Variants in NAV3 observed in about 807,000 individuals in gnomAD.
NAV3 encodes the protein neuron navigator 3, also known as pore membrane and/or filament interacting like protein 1.
A neutral mutation model predicts 244.7 loss-of-function variants in NAV3; 87 were observed. The observed-to-expected ratio is 0.36, with a 90% CI of 0.30 to 0.42. The LOEUF (loss-of-function observed/expected upper bound fraction) is 0.42, where lower values mean the gene tolerates loss of function less well. NAV3 is among the 20% of genes least tolerant of loss of function. The pLI, the probability that NAV3 is intolerant of heterozygous loss-of-function variation, is 1.00. For synonymous variants in NAV3, 1,126 were observed against 1,042.2 expected (o/e 1.08, Z -1.55); for missense variants, 2,663 against 2,893.3 (o/e 0.92, Z 1.83).
intron 1 of NAV3, among the ~76,000 whole-genome samples, chr12:77,893,046 T>C (rs544639757): frequency 1.8e-4 from 28 of 152,298 alleles, no homozygotes; most frequent in African/African-American, 6.3e-4. Context: ...GTTAGGTTTC[T>C]GAAGAACATG....
chr12:77,751,230 T>G (rs2135800119), intron 2 of NAV3, among the ~76,000 whole-genome samples: 1 of 152,328 alleles, frequency 6.6e-6, no homozygotes, highest in South Asian at 2.1e-4. Flanking sequence ...TCTTATGAGC[T>G]TTTCTACTTC....
At chr12:77,630,894 G>C (rs1205349704) in intron 2 of NAV3, among the ~76,000 whole-genome samples, 2 of 152,116 alleles carry the variant, frequency 1.3e-5, no homozygotes, top group Non-Finnish European at 2.9e-5. Context: ...AAAAACTATA[G>C]AGTACAAGAG....
Position 77,886,276 on chromosome 12 carries a change from G to C in NAV3, c.244-54043G>C, listed in dbSNP as rs545041705. ...TTCTCCGCTCTAGTAACATTCAAGG[G>C]CTTCTCTTTATACAGCCTGCTGTTT... On this transcript the variant is annotated intron_variant, in intron 1 of 39. Coordinates refer to ENST00000397909, the MANE Select transcript of NAV3 (RefSeq NM_001024383.2). Among the ~76,000 whole-genome samples the C allele has an allele frequency of 5.9e-4, 90 of 152,178 alleles. No homozygotes were observed. The Middle Eastern group carries it at 0.01, about 17-fold the overall frequency.
intron 2 of NAV3, among the ~76,000 whole-genome samples, chr12:77,593,554 A>G (rs1013624982): frequency 1.3e-5 from 2 of 148,908 alleles, no homozygotes; most frequent in African/African-American, 4.9e-5. Flanking sequence ...GGTTCAAGCG[A>G]TTCTCCTGCC....
At chr12:77,848,894 A>G (rs990015480) in intron 1 of NAV3, among the ~76,000 whole-genome samples, 2 of 152,214 alleles carry the variant, frequency 1.3e-5, no homozygotes, top group African/African-American at 4.8e-5. Context: ...AATATTTTCA[A>G]TATGATTCCA....
intron 30 of NAV3, among the ~76,000 whole-genome samples, chr12:78,184,510 T>G (rs1273078461): frequency 6.6e-6 from 1 of 151,858 alleles, no homozygotes; most frequent in East Asian, 1.9e-4. Context: ...AAAAATTTAT[T>G]GCAAAGCTCT....
At chr12:77,644,902 A>G (rs1456601010) in intron 2 of NAV3, among the ~76,000 whole-genome samples, 3 of 152,186 alleles carry the variant, frequency 2.0e-5, no homozygotes, top group African/African-American at 7.2e-5. Context: ...GCATACCTGA[A>G]TAAATGACTA....
At chr12:77,873,126 T>C (rs1414234074) in intron 1 of NAV3, among the ~76,000 whole-genome samples, 2 of 152,212 alleles carry the variant, frequency 1.3e-5, no homozygotes, top group Admixed American at 6.5e-5. Flanking sequence ...TTTATATTTA[T>C]ACACTTTATT....
At chr12:77,876,851 G>T (rs1881915151) in intron 1 of NAV3, among the ~76,000 whole-genome samples, 2 of 151,966 alleles carry the variant, frequency 1.3e-5, no homozygotes. Context: ...TGCTTTTTAT[G>T]TTTCTAATGA....
chr12:77,860,329 T>C (rs1879077721), intron 1 of NAV3, among the ~76,000 whole-genome samples: 1 of 150,374 alleles, frequency 6.7e-6, no homozygotes, highest in Admixed American at 6.7e-5. Context: ...TTTATGTTTG[T>C]ATTTTATTTA....
At chr12:77,929,302 G>A (rs1165660720) in intron 1 of NAV3, among the ~76,000 whole-genome samples, 1 of 151,020 alleles carries the variant, frequency 6.6e-6, no homozygotes, top group East Asian at 2.0e-4. Context: ...CCAATTTTTA[G>A]AGTTCCATTT....
At chr12:78,189,417 C>T (rs1169339220) in intron 33 of NAV3, among the ~76,000 whole-genome samples, 2 of 151,672 alleles carry the variant, frequency 1.3e-5, no homozygotes, top group Non-Finnish European at 3.0e-5. Flanking sequence ...GATACTGTTG[C>T]TCCTTTCTTA....
intron 2 of NAV3, among the ~76,000 whole-genome samples, chr12:77,718,665 C>CTT (rs56917381): frequency 0.026 from 3,793 of 148,542 alleles, 89 homozygotes; most frequent in African/African-American, 0.065. Context: ...GATGTCTTTT[C>CTT]TTTTTTTTCG....
At position 78,074,851 on chromosome 12, in the gene NAV3, C is replaced by A. The variant is rs552913494; in HGVS notation, c.2636+15736C>A. Among the ~76,000 whole-genome samples the A allele has an allele frequency of 1.1e-4, 17 of 152,252 alleles. 1 individual carries two copies. The highest frequency in any genetic ancestry group is 2.9e-4 in the African/African-American group (12 of 41,556). ...AAAACAGGAGGAACTGGATCAGAAG[C>A]TTTTTAAGAAGTGGTCAGACCTCCA... On this transcript the variant is annotated intron_variant, in intron 12 of 39. Coordinates refer to ENST00000397909, the MANE Select transcript of NAV3 (RefSeq NM_001024383.2).
At chr12:77,777,929 C>G (rs2135902571) in intron 2 of NAV3, among the ~76,000 whole-genome samples, 1 of 152,054 alleles carries the variant, frequency 6.6e-6, no homozygotes, top group South Asian at 2.1e-4. Flanking sequence ...CCTCAGCCTC[C>G]CAAGTAACTG....
intron 2 of NAV3, among the ~76,000 whole-genome samples, chr12:77,787,211 G>T (rs1870944647): frequency 6.6e-6 from 1 of 151,966 alleles, no homozygotes; most frequent in African/African-American, 2.4e-5. Context: ...ATATTTTACT[G>T]GTATTGCATA....
chr12:78,201,043 C>T (rs1471319105), intron 38 of NAV3, among the ~76,000 whole-genome samples: 2 of 129,102 alleles, frequency 1.5e-5, no homozygotes, highest in African/African-American at 2.9e-5. Flanking sequence ...CTTTCTCTCT[C>T]TCTCTTTCTT....
At chr12:78,111,153 G>T (rs1955073761) in intron 12 of NAV3, among the ~76,000 whole-genome samples, 1 of 152,056 alleles carries the variant, frequency 6.6e-6, no homozygotes, top group South Asian at 2.1e-4. Context: ...TTATACTCAG[G>T]TGATGAACAC....
intron 2 of NAV3, among the ~76,000 whole-genome samples, chr12:77,741,148 C>CAAAAAAAAAAAAAAAAAAAAAAAAAGA: frequency 4.4e-5 from 3 of 68,668 alleles, no homozygotes; most frequent in Admixed American, 1.8e-4. Context: ...AAAAAAAAGA[C>CAAAAAAAAAAAAAAAAAAAAAAAAAGA]AAAAAAAAAA....
Sources: gnomAD v4.1 joint callset for allele counts (sites outside exome capture counted in the v4.1 genomes callset) on GRCh38, gnomAD v4.1.1 for gene constraint, MANE v1.5 for transcripts, NCBI Gene and HGNC (gene_info 2026-07-23, HGNC 2026-07-21) for gene names.